NACC2: variants seen among roughly 807,000 people sequenced by gnomAD.
NACC2 encodes NACC family member 2.
A neutral mutation model predicts 25.1 loss-of-function variants in NACC2; 8 were observed. The observed-to-expected ratio is 0.32, with a 90% CI of 0.19 to 0.57. The LOEUF (loss-of-function observed/expected upper bound fraction) is 0.57, where lower values mean the gene tolerates loss of function less well. Among genes scored for constraint, NACC2 ranks in the 20% least tolerant of loss-of-function variants. NACC2 has a pLI of 0.89. For missense variants in NACC2, 644 were observed against 650.2 expected, an observed-to-expected ratio of 0.99 and a Z score of 0.10; for synonymous variants, 435 against 294.7, an observed-to-expected ratio of 1.48 and a Z score of -4.88.
chr9:136,082,975 C>T (rs926987828), intron 1 of NACC2, among the ~76,000 whole-genome samples: 7 of 152,246 alleles, frequency 4.6e-5, no homozygotes, highest in African/African-American at 1.2e-4. Flanking sequence ...AGGGGGAAGA[C>T]GCCGTGTTTT....
In NACC2 at chr9:136,043,228, T is replaced by C. The variant is rs1840671855; in HGVS notation, c.886+6408A>G. Among the ~76,000 whole-genome samples the C allele has an allele frequency of 2.6e-5, 4 of 152,382 alleles. No homozygotes were observed. The South Asian group carries it at 8.3e-4, about 32-fold the overall frequency. On this transcript the variant is annotated intron_variant, in intron 2 of 5. Transcript: ENST00000277554. ...GGAGAGAATGCCCGCAATACCCATA[T>C]GTGAACTTACTTGCAAATTATATAG...
At chr9:136,036,510 CACAT>C (rs2131151366) in intron 2 of NACC2, among the ~76,000 whole-genome samples, 1 of 152,212 alleles carries the variant, frequency 6.6e-6, no homozygotes, top group African/African-American at 2.4e-5. Flanking sequence ...TATATATACA[CACAT>C]ACACATACAT....
At chr9:136,085,358 A>AT (rs947590114) in intron 1 of NACC2, among the ~76,000 whole-genome samples, 3 of 150,888 alleles carry the variant, frequency 2.0e-5, no homozygotes, top group East Asian at 2.0e-4. Context: ...GTGCACAAAA[A>AT]TTTTTTTTAA....
intron 1 of NACC2, among the ~76,000 whole-genome samples, chr9:136,056,386 T>A (rs1840925267): frequency 6.6e-6 from 1 of 151,968 alleles, no homozygotes; most frequent in Non-Finnish European, 1.5e-5. Context: ...GTGTGCCGTG[T>A]GCTCACCTCC....
rs540569427 is a variant in NACC2, at chr9:136,086,128, C to T, written c.-60+9061G>A. Among the ~76,000 whole-genome samples, 2 of 152,340 alleles carry T rather than the reference C, an allele frequency of 1.3e-5. No homozygotes were observed. Among genetic ancestry groups the T allele is most frequent in the South Asian group, 4.1e-4 (2 of 4,830 alleles). The stretch of plus-strand genomic sequence containing the variant: ...CTCGGGCTGGAGAAAACCAAGTCAC[C>T]CCTGGGGACCCTTGTTGGACATTCT... On this transcript the variant is annotated intron_variant, in intron 1 of 5. Transcript: ENST00000277554. The surrounding 1 kb of genome is among the most constrained non-coding windows in gnomAD (Gnocchi z 5.6).
rs1840143116 is a variant in NACC2 at position 136,013,333 on chromosome 9, TGATGGGGAGGGTACCTGGAGGC to T, written c.1158-59_1158-38del. On this transcript the variant is annotated intron_variant, in intron 4 of 5. Coordinates refer to ENST00000277554, the MANE Select transcript of NACC2 (RefSeq NM_144653.5). The surrounding 1 kb of genome is among the most constrained non-coding windows in gnomAD (Gnocchi z 6.6). ...ACCGGAAAGGCAGGCAGGGTGAGGA[TGATGGGGAGGGTACCTGGAGGC>T]GACCCGCCCGCACGAATGCCCTGCT... 4 of 1,587,404 alleles carry T rather than the reference TGATGGGGAGGGTACCTGGAGGC, an allele frequency of 2.5e-6. No individual in the cohort carries two copies. The highest frequency in any genetic ancestry group is 3.4e-6 in the Non-Finnish European group (4 of 1,159,754).
At chr9:136,062,973 A>G (rs1185697287) in intron 1 of NACC2, among the ~76,000 whole-genome samples, 1 of 152,238 alleles carries the variant, frequency 6.6e-6, no homozygotes, top group African/African-American at 2.4e-5. Flanking sequence ...AACATGAGGT[A>G]CATGGCCTGT....
chr9:136,038,022 G>C (rs1840579486), intron 2 of NACC2, among the ~76,000 whole-genome samples: 1 of 152,146 alleles, frequency 6.6e-6, no homozygotes, highest in Non-Finnish European at 1.5e-5. Context: ...CAACAAAAAA[G>C]AATCAATGCT....
In NACC2 at chr9:136,055,197, G is replaced by A. The variant is rs1478723044; in HGVS notation, c.-59-4617C>T. Among the ~76,000 whole-genome samples the A allele has an allele frequency of 2.6e-5, 4 of 152,240 alleles. No homozygotes were observed. The highest frequency in any genetic ancestry group is 1.9e-4 in the East Asian group (1 of 5,168). Reference sequence around the variant, plus strand: ...CTGCCGATGGGTGAGAGGAGCCCGCGGGGAGGACAGGGGCTCACTGGAACT... The same window carrying A: ...CTGCCGATGGGTGAGAGGAGCCCGCAGGGAGGACAGGGGCTCACTGGAACT... On this transcript the variant is annotated intron_variant, in intron 1 of 5. Transcript: ENST00000277554. The surrounding 1 kb of genome is among the most constrained non-coding windows in gnomAD (Gnocchi z 4.9).
Position 136,086,870 on chromosome 9 carries a change from C to A in NACC2, c.-60+8319G>T, listed in dbSNP as rs907496525. ...CTGGGCAAGTGCAGAGCCAGCCCCC[C>A]AGTGCCCTCTACGCACTAAAGGCTT... On this transcript the variant is annotated intron_variant, in intron 1 of 5. Transcript: ENST00000277554. This position sits in a 1 kb window ranked among gnomAD's most constrained non-coding sequence, Gnocchi z 5.6. Among the ~76,000 whole-genome samples, 1 of 152,228 alleles carries A rather than the reference C, an allele frequency of 6.6e-6. No individual in the cohort carries two copies. The highest frequency in any genetic ancestry group is 1.5e-5 in the Non-Finnish European group (1 of 68,042).
intron 1 of NACC2, among the ~76,000 whole-genome samples, chr9:136,064,245 C>T (rs1385333358): frequency 6.6e-6 from 1 of 152,096 alleles, no homozygotes. Context: ...ACTATGACTG[C>T]ACTACTGCAC....
chr9:136,077,050 G>T (rs4841913), intron 1 of NACC2, among the ~76,000 whole-genome samples: 32,855 of 149,134 alleles, frequency 0.22, 5,556 homozygotes, highest in African/African-American at 0.48. Flanking sequence ...TGTGGTGGCG[G>T]GCGCCTGTAG....
chr9:136,006,939 C>T lies in NACC2; in HGVS notation c.*4577G>A, dbSNP rs1223167006. ...ACAGTCGTGAGTTACAGTACTTTAA[C>T]CCCTAAACAGACTCTTTAAAACAAC... On this transcript the variant is annotated 3_prime_UTR_variant, in exon 6 of 6. Transcript: ENST00000277554. 1.3e-5 allele frequency: 2 copies of T among 152,868 alleles called. No homozygotes were observed. The highest frequency in any genetic ancestry group is 4.8e-5 in the African/African-American group (2 of 41,472). 9.5% of individuals were successfully genotyped at this position (152,868 alleles called of 1,614,324 possible). A position where few individuals can be genotyped will look rare whatever the true frequency, so the allele number is the denominator to read the frequency against.
chr9:136,030,479 A>G (rs5019677), intron 2 of NACC2, among the ~76,000 whole-genome samples: 126,171 of 151,648 alleles, frequency 0.83, 52,575 homozygotes, highest in Middle Eastern at 0.87. Context: ...GCATGGTGGC[A>G]GGCGCCTGTA....
At chr9:136,027,324 G>C (rs187571525) in intron 2 of NACC2, among the ~76,000 whole-genome samples, 20 of 152,312 alleles carry the variant, frequency 1.3e-4, no homozygotes, top group African/African-American at 4.6e-4. Flanking sequence ...AGATGTACCA[G>C]GTAAATATTA....
At position 136,056,282 on chromosome 9, in the gene NACC2, C is replaced by T. The variant is rs545969658; in HGVS notation, c.-59-5702G>A. On this transcript the variant is annotated intron_variant, in intron 1 of 5. Transcript: ENST00000277554. ...GCCTGGCTGCTAATGGAACCACCAG[C>T]TCCATGCAGATGAGATGCAGCAGCT... 1.2e-4 allele frequency among the ~76,000 whole-genome samples: 18 copies of T among 152,334 alleles called. No individual in the cohort carries two copies. The South Asian group carries it at 3.1e-3, about 26-fold the overall frequency.
chr9:136,078,656 C>G (rs1048327127), intron 1 of NACC2, among the ~76,000 whole-genome samples: 5 of 152,220 alleles, frequency 3.3e-5, no homozygotes, highest in African/African-American at 9.7e-5. Context: ...GACATCGGGA[C>G]AGAAAGGGGC....
In NACC2 at chr9:136,016,377, G is replaced by C; in HGVS notation, c.939C>G (p.Ile313Met). 1 of 1,611,724 alleles carries C rather than the reference G, an allele frequency of 6.2e-7. No individual in the cohort carries two copies. The highest frequency in any genetic ancestry group is 8.5e-7 in the Non-Finnish European group (1 of 1,179,928). ...VPLESRSCVL[I>M]RRDLVALPAS... ...CAGGTAGGGCCACGAGGTCGCGGCG[G>C]ATGAGGACGCAGGAGCGGCTCTCCA... is the stretch of plus-strand genomic sequence containing the variant. Residue 313 changes from isoleucine to methionine, a missense_variant, in exon 3 of 6, where the codon ATC becomes ATG. Coordinates refer to ENST00000277554, the MANE Select transcript of NACC2 (RefSeq NM_144653.5).
rs1387135878 is a variant in NACC2 at position 136,084,471 on chromosome 9, C to G, written c.-60+10718G>C. ...TCTCTGACGTCCCTGCCCAAGACGC[C>G]AATCACCAGGAGGCCACAGACAAAC... On this transcript the variant is annotated intron_variant, in intron 1 of 5. Transcript: ENST00000277554. The surrounding 1 kb of genome is among the most constrained non-coding windows in gnomAD (Gnocchi z 5.1). Among the ~76,000 whole-genome samples, 1 of 152,150 alleles carries G rather than the reference C, an allele frequency of 6.6e-6. No homozygotes were observed. The highest frequency in any genetic ancestry group is 1.5e-5 in the Non-Finnish European group (1 of 68,030).
Sources: allele counts gnomAD v4.1 joint callset (sites outside exome capture counted in the v4.1 genomes callset), GRCh38; gene constraint gnomAD v4.1.1; non-coding constraint Gnocchi (gnomAD v3.1); transcripts MANE v1.5; gene names NCBI Gene and HGNC (gene_info 2026-07-23, HGNC 2026-07-21).